Variants in IPO11 observed in about 807,000 individuals in gnomAD.
IPO11 encodes importin 11, also known as importin-11.
In IPO11, 66 loss-of-function variants were observed where a neutral mutation model predicts 143.2. The observed-to-expected ratio is 0.46, with a 90% CI of 0.38 to 0.57. The LOEUF (loss-of-function observed/expected upper bound fraction) is 0.57, where lower values mean the gene tolerates loss of function less well. Among genes scored for constraint, IPO11 ranks in the 20% least tolerant of loss-of-function variants. IPO11 has a pLI of 0.00. For missense variants in IPO11, 1,026 were observed against 1,141.0 expected (o/e 0.90, Z 1.45); for synonymous variants, 385 against 377.8 (o/e 1.02, Z -0.22).
At chr5:62,575,285 C>T (rs538189986) in intron 27 of IPO11, among the ~76,000 whole-genome samples, 71 of 152,252 alleles carry the variant, frequency 4.7e-4, no homozygotes, top group Middle Eastern at 3.4e-3. Flanking sequence ...TAACTTTTGT[C>T]CCAGTTTGTT....
At chr5:62,457,866 C>T (rs972906205) in intron 5 of IPO11, among the ~76,000 whole-genome samples, 3 of 152,012 alleles carry the variant, frequency 2.0e-5, no homozygotes, top group Non-Finnish European at 4.4e-5. Context: ...AGATAAATGC[C>T]GGCCGGGCGC....
At chr5:62,618,479 A>G (rs1316071395) in intron 29 of IPO11, among the ~76,000 whole-genome samples, 1 of 152,186 alleles carries the variant, frequency 6.6e-6, no homozygotes, top group Non-Finnish European at 1.5e-5. Flanking sequence ...GAAGACAGAA[A>G]AGTACTAAAA....
chr5:62,498,337 T>C (rs3776633), intron 16 of IPO11, among the ~76,000 whole-genome samples: 1 of 152,130 alleles, frequency 6.6e-6, no homozygotes, highest in South Asian at 2.1e-4. Context: ...CTAAAAAGTA[T>C]CTTTTACATT....
rs188795032 is a variant in IPO11 at position 62,480,374 on chromosome 5, A to C, written c.829-2727A>C. On this transcript the variant is annotated intron_variant, in intron 9 of 29. Coordinates refer to ENST00000325324, the MANE Select transcript of IPO11 (RefSeq NM_016338.5). ...GTATAGTTTGAAGTCAGGTAGCATG[A>C]TGCCTCCAGCTTTGTTCTTTTGGCT... Among the ~76,000 whole-genome samples, 293 of 152,298 alleles carry C rather than the reference A, an allele frequency of 1.9e-3. 1 individual carries two copies. The highest frequency in any genetic ancestry group is 0.012 in the East Asian group (60 of 5,188).
intron 9 of IPO11, among the ~76,000 whole-genome samples, chr5:62,479,427 A>G (rs1011242591): frequency 2.0e-5 from 3 of 152,220 alleles, no homozygotes; most frequent in Admixed American, 2.0e-4. Flanking sequence ...TAGTAGCATG[A>G]TTTATAATCC....
intron 5 of IPO11, among the ~76,000 whole-genome samples, chr5:62,458,442 A>G (rs1745238541): frequency 6.6e-6 from 1 of 152,142 alleles, no homozygotes; most frequent in African/African-American, 2.4e-5. Context: ...CTGGGATTAC[A>G]GGTGCATGCC....
intron 1 of IPO11, among the ~76,000 whole-genome samples, chr5:62,433,116 C>T (rs911842310): frequency 6.8e-6 from 1 of 147,218 alleles, no homozygotes; most frequent in Admixed American, 6.8e-5. Context: ...CACTCTTCTT[C>T]GGTTTTTACT....
chr5:62,504,623 G>C lies in IPO11; in HGVS notation c.1591-44G>C. On this transcript the variant is annotated intron_variant, in intron 16 of 29. Coordinates refer to ENST00000325324, the MANE Select transcript of IPO11 (RefSeq NM_016338.5). ...TTTTGTTTGATATTAATGATGTTTA[G>C]TCATTCTAAAATAATTAAAAACTAA... is the stretch of plus-strand genomic sequence containing the variant. The C allele has an allele frequency of 2.6e-6, 3 of 1,166,398 alleles. No individual in the cohort carries two copies. The South Asian group carries it at 4.4e-5, about 17-fold the overall frequency. 72.3% of individuals were successfully genotyped at this position (1,166,398 alleles called of 1,614,324 possible).
At chr5:62,464,904 A>G (rs1561321856) in intron 5 of IPO11, among the ~76,000 whole-genome samples, 1 of 152,248 alleles carries the variant, frequency 6.6e-6, no homozygotes, top group Non-Finnish European at 1.5e-5. Context: ...AGGAGATGCA[A>G]AGAAAAGCTA....
At chr5:62,605,655 A>G (rs941076127) in intron 29 of IPO11, among the ~76,000 whole-genome samples, 4 of 151,674 alleles carry the variant, frequency 2.6e-5, no homozygotes, top group African/African-American at 9.7e-5. Context: ...GTAATTTCCA[A>G]ATTCTAGTTT....
chr5:62,492,007 A>G (rs1048333781), intron 15 of IPO11, among the ~76,000 whole-genome samples: 1 of 152,138 alleles, frequency 6.6e-6, no homozygotes, highest in African/African-American at 2.4e-5. Flanking sequence ...CCTGCATTAT[A>G]TTTCTAATGG....
At chr5:62,536,944 A>C (rs1193249476) in intron 23 of IPO11, among the ~76,000 whole-genome samples, 163 bp downstream of exon 23, 2 of 152,170 alleles carry the variant, frequency 1.3e-5, no homozygotes, top group Non-Finnish European at 2.9e-5. Flanking sequence ...GATGTGCTGC[A>C]TGCAGTTCCT....
At chr5:62,525,399 C>T (rs140476756) in intron 20 of IPO11, among the ~76,000 whole-genome samples, 137 of 149,098 alleles carry the variant, frequency 9.2e-4, no homozygotes, top group Middle Eastern at 3.5e-3. Flanking sequence ...GTGAGGAGGT[C>T]GACAGATTCT....
At chr5:62,626,027 CTTCT>C (rs1007988280) in intron 29 of IPO11, among the ~76,000 whole-genome samples, 1 of 152,014 alleles carries the variant, frequency 6.6e-6, no homozygotes, top group Non-Finnish European at 1.5e-5. Context: ...TTTCTTTCCT[CTTCT>C]TTTTCTTTTT....
rs144409988 is a variant in IPO11, at chr5:62,495,700, G to A, written c.1590+1576G>A. 7.8e-3 allele frequency among the ~76,000 whole-genome samples: 1,183 copies of A among 152,166 alleles called. 11 individuals are homozygous for A. Among genetic ancestry groups the A allele is most frequent in the Non-Finnish European group, 0.01 (690 of 67,994 alleles). On this transcript the variant is annotated intron_variant, in intron 16 of 29. Coordinates refer to ENST00000325324, the MANE Select transcript of IPO11 (RefSeq NM_016338.5). The stretch of plus-strand genomic sequence containing the variant: ...TGCCCAGGCTGGTCTTGAACACCTG[G>A]ACTCAAACGATTCACCCACCTCAGC...
At chr5:62,413,162 T>C (rs1580146404) in intron 1 of IPO11, among the ~76,000 whole-genome samples, 1 of 151,788 alleles carries the variant, frequency 6.6e-6, no homozygotes, top group Non-Finnish European at 1.5e-5. Flanking sequence ...GCAATCAGGG[T>C]GCGGGGTGGG....
chr5:62,550,905 C>T (rs1337528032), intron 25 of IPO11, among the ~76,000 whole-genome samples: 3 of 148,734 alleles, frequency 2.0e-5, no homozygotes, highest in Admixed American at 6.8e-5. Context: ...TGCAGTGAGC[C>T]GAGATTGCGC....
intron 25 of IPO11, 49 bp downstream of exon 25, chr5:62,550,511 T>C (rs746306555): frequency 3.0e-5 from 35 of 1,169,444 alleles, no homozygotes; most frequent in Non-Finnish European, 1.3e-5. Context: ...TATAGGATTC[T>C]AGTTTTAATT....
chr5:62,508,298 A>ATTTTTTTT (rs70981020), intron 19 of IPO11, among the ~76,000 whole-genome samples: 13 of 127,500 alleles, frequency 1.0e-4, no homozygotes, highest in East Asian at 4.4e-4. Context: ...TGCCTGGCTA[A>ATTTTTTTT]TTTTTTTTTT....
Sources: allele counts gnomAD v4.1 joint callset (sites outside exome capture counted in the v4.1 genomes callset), GRCh38; gene constraint gnomAD v4.1.1; transcripts MANE v1.5; gene names NCBI Gene and HGNC (gene_info 2026-07-23, HGNC 2026-07-21).